Variants in ACCS observed in about 807,000 individuals in gnomAD.
ACCS encodes the protein 1-aminocyclopropane-1-carboxylate synthase homolog (inactive).
Under a neutral mutation model 59.8 loss-of-function variants are expected in ACCS, and 42 were observed. That is an observed-to-expected ratio of 0.70 (90% CI 0.55 to 0.91). The LOEUF (loss-of-function observed/expected upper bound fraction) is 0.91. Among genes scored for constraint, ACCS ranks in the 40% least tolerant of loss-of-function variants. ACCS has a pLI of 0.00. For synonymous variants in ACCS, 230 were observed against 240.3 expected, an observed-to-expected ratio of 0.96 and a Z score of 0.40; for missense variants, 602 against 630.4, an observed-to-expected ratio of 0.95 and a Z score of 0.48.
chr11:44,074,048 C>T (rs886760450), intron 4 of ACCS, among the ~76,000 whole-genome samples: 3 of 152,122 alleles, frequency 2.0e-5, no homozygotes, highest in African/African-American at 4.8e-5. Context: ...TTGTAAAGCA[C>T]GTGTTCTTCT....
At chr11:44,071,667 G>A (rs1038512121) in intron 3 of ACCS, 5 of 212,174 alleles carry the variant, frequency 2.4e-5, no homozygotes, top group Non-Finnish European at 3.8e-5. Context: ...GCCAATTTCC[G>A]TAGTGTAAAT....
rs749247040 is a variant in ACCS, at chr11:44,071,259, A to G, written c.292A>G (p.Ile98Val). 6.8e-6 allele frequency: 11 copies of G among 1,614,092 alleles called. No homozygotes were observed. The highest frequency in any genetic ancestry group is 2.2e-5 in the East Asian group (1 of 44,872). The change falls in exon 3 of 15, where the codon ATC becomes GTC. Residue 98 changes from isoleucine to valine, a missense_variant. By Grantham distance (29) the Ile-to-Val change is conservative (BLOSUM62 3). Transcript: ENST00000263776. ...EYDEDKNPSGIINLGTSENKL... is the reference protein window; with the variant it reads ...EYDEDKNPSGVINLGTSENKL... ...CCTCTGTACCTCTCATCTCCAGGGC[A>G]TCATTAACTTGGGCACCAGTGAGAA...
Position 44,078,688 on chromosome 11 carries a change from T to C in ACCS, c.737T>C (p.Val246Ala). The C allele has an allele frequency of 6.2e-7, 1 of 1,613,928 alleles. No individual in the cohort carries two copies. The highest frequency in any genetic ancestry group is 8.5e-7 in the Non-Finnish European group (1 of 1,179,968). Residue 246 changes from valine to alanine, a missense_variant, in exon 9 of 15, where the codon GTG becomes GCG. Coordinates refer to ENST00000263776, the MANE Select transcript of ACCS (RefSeq NM_032592.4). Reference sequence around the variant, plus strand: ...TGCCCTAACGGATGGTTTCAGGGTGTGAAGGTCAAAGGCCTCATCCTCATC... The same window carrying C: ...TGCCCTAACGGATGGTTTCAGGGTGCGAAGGTCAAAGGCCTCATCCTCATC... Reference protein sequence around the residue: ...MALREAHSEGVKVKGLILISP... With the variant: ...MALREAHSEGAKVKGLILISP...
chr11:44,069,230 C>CTT (rs60673778), intron 2 of ACCS, among the ~76,000 whole-genome samples: 8 of 148,386 alleles, frequency 5.4e-5, no homozygotes, highest in Non-Finnish European at 3.0e-5. Flanking sequence ...TTTTCTTTTT[C>CTT]TTTTTTTTTT....
chr11:44,081,153 A>G (rs1953620531), intron 11 of ACCS, 26 bp from the exon 12 acceptor site: 2 of 1,610,894 alleles, frequency 1.2e-6, no homozygotes, highest in African/African-American at 1.3e-5. Context: ...AGGGCTGGCC[A>G]CCGCCTAGGG....
At chr11:44,078,099 A>AG in intron 8 of ACCS, 177 bp downstream of exon 8, 1 of 792,734 alleles carries the variant, frequency 1.3e-6, no homozygotes, top group East Asian at 2.8e-5. Flanking sequence ...CTGCCCAGGG[A>AG]GGGTCTTCCC....
At chr11:44,079,082 A>G (rs1953515337) in intron 9 of ACCS, 1 of 418,974 alleles carries the variant, frequency 2.4e-6, no homozygotes, top group African/African-American at 2.0e-5. Context: ...CCTCACAACA[A>G]CCCTTTATGT....
intron 7 of ACCS, 53 bp from the exon 8 acceptor site, chr11:44,077,792 G>C: frequency 6.3e-7 from 1 of 1,596,634 alleles, no homozygotes; most frequent in South Asian, 1.1e-5. Context: ...TATGTATTTT[G>C]GGGGGCAATG....
chr11:44,078,044 AGGTAGGGT>A, intron 8 of ACCS, 122 bp downstream of exon 8: 1 of 1,258,836 alleles, frequency 7.9e-7, no homozygotes, highest in East Asian at 2.6e-5. Context: ...TGGGACAGAC[AGGTAGGGT>A]GGTAGCACAG....
Position 44,079,520 on chromosome 11 carries a change from C to A in ACCS, c.834-11C>A, listed in dbSNP as rs1295246964. On this transcript the variant is annotated splice_polypyrimidine_tract_variant and intron_variant, in intron 9 of 14. Transcript: ENST00000263776. ...ACTAAGTCTCTCCTCCCCACCCCTG[C>A]CTCACTCCAGGCACAGGCTGCATGT... 1.2e-6 allele frequency: 2 copies of A among 1,605,564 alleles called. No homozygotes were observed. The highest frequency in any genetic ancestry group is 1.7e-6 in the Non-Finnish European group (2 of 1,176,308).
chr11:44,070,878 C>T (rs1217157707), intron 2 of ACCS, among the ~76,000 whole-genome samples: 6 of 152,210 alleles, frequency 3.9e-5, no homozygotes, highest in African/African-American at 1.4e-4. Context: ...CAGCACACAT[C>T]TGTCCTTCAG....
rs1229484720 is a variant in ACCS, at chr11:44,081,168, T to G, written c.970-11T>G. ...AGGGCTGGCCACCGCCTAGGGTGCTTCTTCCTGCAGGACTTCGGGATGTCT... is the reference window on the plus strand; with the variant it reads ...AGGGCTGGCCACCGCCTAGGGTGCTGCTTCCTGCAGGACTTCGGGATGTCT... On this transcript the variant is annotated splice_polypyrimidine_tract_variant and intron_variant, in intron 11 of 14. Coordinates refer to ENST00000263776, the MANE Select transcript of ACCS (RefSeq NM_032592.4). The G allele has an allele frequency of 6.2e-7, 1 of 1,614,210 alleles. No homozygotes were observed. The highest frequency in any genetic ancestry group is 1.1e-5 in the South Asian group (1 of 91,084).
At chr11:44,074,736 CTT>C (rs1170217105) in intron 5 of ACCS, 55 bp downstream of exon 5, 32 of 107,412 alleles carry the variant, frequency 3.0e-4, no homozygotes, top group Middle Eastern at 2.3e-3. Flanking sequence ...CTCTCCATCT[CTT>C]TCTTTCTTTC....
intron 3 of ACCS, among the ~76,000 whole-genome samples, chr11:44,072,929 A>C (rs542461238): frequency 1.2e-4 from 18 of 152,174 alleles, no homozygotes; most frequent in Non-Finnish European, 2.4e-4. Flanking sequence ...CAAAGGACCT[A>C]CAATACTAGG....
At chr11:44,071,386 A>G (rs1309782035) in intron 3 of ACCS, 71 bp downstream of exon 3, 26 of 1,557,954 alleles carry the variant, frequency 1.7e-5, no homozygotes, top group Admixed American at 1.2e-4. Flanking sequence ...TGCTTTCCCA[A>G]CAGGAGCCTG....
In ACCS at chr11:44,074,643, T is replaced by C. The variant is rs776044274; in HGVS notation, c.451T>C (p.Phe151Leu). 1.9e-6 allele frequency: 3 copies of C among 1,613,636 alleles called. No individual in the cohort carries two copies. The highest frequency in any genetic ancestry group is 1.6e-4 in the Middle Eastern group (1 of 6,062). ...LREEVAKFLS[F>L]YCKSPVPLRP... Reference sequence around the variant, plus strand: ...GGAGGAAGTGGCCAAGTTCCTGTCTTTCTACTGCAAGAGCCCAGTACCCCT... The same window carrying C: ...GGAGGAAGTGGCCAAGTTCCTGTCTCTCTACTGCAAGAGCCCAGTACCCCT... The change falls in exon 5 of 15, where the codon TTC becomes CTC. Residue 151 changes from phenylalanine to leucine, a missense_variant. Transcript: ENST00000263776.
At chr11:44,081,786 C>T (rs1953650819) in intron 12 of ACCS, among the ~76,000 whole-genome samples, 1 of 152,162 alleles carries the variant, frequency 6.6e-6, no homozygotes, top group South Asian at 2.1e-4. Context: ...AGTGAGCCTT[C>T]ATCATACCAC....
chr11:44,079,416 T>C, intron 9 of ACCS, 115 bp from the exon 10 acceptor site: 1 of 757,562 alleles, frequency 1.3e-6, no homozygotes, highest in Non-Finnish European at 2.1e-6. Context: ...ACAAGTTTGG[T>C]AACCCCGGGC....
At chr11:44,079,990 C>T (rs1476956220) in intron 10 of ACCS, among the ~76,000 whole-genome samples, 1 of 152,228 alleles carries the variant, frequency 6.6e-6, no homozygotes, top group Non-Finnish European at 1.5e-5. Flanking sequence ...CCCTTACACA[C>T]AGAGTGTGCC....
Sources: allele counts gnomAD v4.1 joint callset (sites outside exome capture counted in the v4.1 genomes callset), GRCh38; gene constraint gnomAD v4.1.1; transcripts MANE v1.5; gene names NCBI Gene and HGNC (gene_info 2026-07-23, HGNC 2026-07-21).